Variants in XPO4 observed in about 807,000 individuals in gnomAD.
XPO4 encodes exportin-4.
A neutral mutation model predicts 143.0 loss-of-function variants in XPO4; 39 were observed. That is an observed-to-expected ratio of 0.27 (90% CI 0.21 to 0.36). The LOEUF is 0.36. Ranked by LOEUF, XPO4 falls within the 10% of genes least tolerant of loss-of-function variation. XPO4 has a pLI of 1.00. For missense variants in XPO4, 907 were observed against 1,348.0 expected (o/e 0.67, Z 5.12); for synonymous variants, 439 against 474.0 (o/e 0.93, Z 0.96).
At chr13:20,840,818 A>G (rs1259788487) in intron 6 of XPO4, among the ~76,000 whole-genome samples, 2 of 152,268 alleles carry the variant, frequency 1.3e-5, no homozygotes, top group African/African-American at 4.8e-5. Flanking sequence ...AAATGGCACT[A>G]TATGAAAAGG....
At chr13:20,788,361 GT>G (rs1366857543) in intron 20 of XPO4, 124 bp downstream of exon 20, 9 of 1,346,862 alleles carry the variant, frequency 6.7e-6, no homozygotes, top group Non-Finnish European at 9.0e-6. Context: ...CTGGCCCAGG[GT>G]TTTTTAAGAA....
At chr13:20,886,267 C>T (rs990245657) in intron 1 of XPO4, among the ~76,000 whole-genome samples, 15 of 148,166 alleles carry the variant, frequency 1.0e-4, no homozygotes, top group African/African-American at 3.5e-4. Context: ...ATAACAATAA[C>T]AAAAACTAGA....
chr13:20,865,005 G>A (rs2060232845), intron 2 of XPO4, among the ~76,000 whole-genome samples: 1 of 152,144 alleles, frequency 6.6e-6, no homozygotes, highest in African/African-American at 2.4e-5. Context: ...TGCAAGAGAT[G>A]CTAGAAGGTA....
chr13:20,883,606 T>G (rs34042324), intron 1 of XPO4, among the ~76,000 whole-genome samples: 2,559 of 152,226 alleles, frequency 0.017, 41 homozygotes, highest in Non-Finnish European at 0.028. Flanking sequence ...CTTTCAGGGA[T>G]TAGAGTATAA....
At position 20,850,118 on chromosome 13, in the gene XPO4, A is replaced by G. The variant is rs1302737060; in HGVS notation, c.456+5509T>C. ...AAGACTCTGTCTCAACAAAAACCAC[A>G]CACAAATGATTAGTTTCACTCATAG... is the stretch of plus-strand genomic sequence containing the variant. On this transcript the variant is annotated intron_variant, in intron 4 of 22. Coordinates refer to ENST00000255305, the MANE Select transcript of XPO4 (RefSeq NM_022459.5). 5 of 984,912 alleles carry G rather than the reference A, an allele frequency of 5.1e-6. No individual in the cohort carries two copies. The African/African-American group carries it at 8.7e-5, about 17-fold the overall frequency. The allele number at this position is 984,912 out of a possible 1,614,324, so 61.0% of individuals were successfully genotyped here.
Position 20,832,272 on chromosome 13 carries a change from CG to C in XPO4, c.728-5094del, listed in dbSNP as rs2059862265. 2.6e-5 allele frequency among the ~76,000 whole-genome samples: 4 copies of C among 152,234 alleles called. No individual in the cohort carries two copies. In the East Asian group the frequency reaches 7.7e-4, roughly 29 times the overall value. On this transcript the variant is annotated intron_variant, in intron 6 of 22. Coordinates refer to ENST00000255305, the MANE Select transcript of XPO4 (RefSeq NM_022459.5). ...CAACAAACAGCATTGTCATTAAATA[CG>C]TACATCTTAACATGTAGTGGGGAAA...
At chr13:20,869,423 C>T (rs1286666386) in intron 1 of XPO4, 1 of 704,604 alleles carries the variant, frequency 1.4e-6, no homozygotes, top group Non-Finnish European at 1.7e-6. Flanking sequence ...GTTTAGTTAA[C>T]TTTTAACCTA....
At chr13:20,801,587 A>C (rs182436692) in intron 13 of XPO4, among the ~76,000 whole-genome samples, 1 of 152,234 alleles carries the variant, frequency 6.6e-6, no homozygotes, top group African/African-American at 2.4e-5. Context: ...CCTACACTAC[A>C]TAATTCATAT....
intron 10 of XPO4, 71 bp from the exon 11 acceptor site, chr13:20,809,296 T>C: frequency 3.9e-6 from 6 of 1,542,434 alleles, no homozygotes; most frequent in Non-Finnish European, 5.2e-6. Flanking sequence ...TGTGGCTCCA[T>C]AACATAGCTT....
At chr13:20,812,684 T>A (rs1334466441) in intron 9 of XPO4, among the ~76,000 whole-genome samples, 1 of 152,176 alleles carries the variant, frequency 6.6e-6, no homozygotes, top group Non-Finnish European at 1.5e-5. Context: ...CAATAAAGCC[T>A]TTAGTTTAGT....
chr13:20,896,429 A>G (rs2060570125), intron 1 of XPO4, among the ~76,000 whole-genome samples: 1 of 152,202 alleles, frequency 6.6e-6, no homozygotes, highest in African/African-American at 2.4e-5. Flanking sequence ...AAGCTGTATC[A>G]TGTTCTTCAC....
chr13:20,884,623 G>A (rs1283322268), intron 1 of XPO4, among the ~76,000 whole-genome samples: 1 of 152,026 alleles, frequency 6.6e-6, no homozygotes, highest in African/African-American at 2.4e-5. Flanking sequence ...ATGTTACCCA[G>A]GCTGGTCTCA....
chr13:20,850,136 A>T (rs750643482), intron 4 of XPO4: 50 of 985,066 alleles, frequency 5.1e-5, no homozygotes, highest in Non-Finnish European at 5.9e-5. Flanking sequence ...GATTAGTTTC[A>T]CTCATAGCAT....
At chr13:20,855,026 A>C (rs1361526081) in intron 4 of XPO4, among the ~76,000 whole-genome samples, 1 of 152,244 alleles carries the variant, frequency 6.6e-6, no homozygotes, top group African/African-American at 2.4e-5. Flanking sequence ...GAAACGGCTA[A>C]CAATATTATG....
chr13:20,862,318 A>T (rs2060209275), intron 3 of XPO4, among the ~76,000 whole-genome samples: 1 of 152,194 alleles, frequency 6.6e-6, no homozygotes, highest in South Asian at 2.1e-4. Context: ...ACAACAAAAA[A>T]CTAATATCCA....
chr13:20,836,952 C>T (rs762594391), intron 6 of XPO4, among the ~76,000 whole-genome samples: 1 of 152,172 alleles, frequency 6.6e-6, no homozygotes, highest in Non-Finnish European at 1.5e-5. Flanking sequence ...GCTTTTTTCA[C>T]TCAGTATGTT....
intron 22 of XPO4, among the ~76,000 whole-genome samples, chr13:20,786,720 A>T (rs1040481173): frequency 6.6e-6 from 1 of 152,170 alleles, no homozygotes; most frequent in African/African-American, 2.4e-5. Flanking sequence ...GACCATTGCA[A>T]AGGATGGTTC....
At chr13:20,801,816 T>C (rs1484844571) in intron 13 of XPO4, among the ~76,000 whole-genome samples, 1 of 152,192 alleles carries the variant, frequency 6.6e-6, no homozygotes, top group Non-Finnish European at 1.5e-5. Context: ...CCTTTACTAG[T>C]GCTCTCAGGA....
At chr13:20,868,542 A>G in intron 2 of XPO4, 54 bp downstream of exon 2, 2 of 1,575,510 alleles carry the variant, frequency 1.3e-6, no homozygotes, top group Non-Finnish European at 1.7e-6. Flanking sequence ...TTAAGACAGC[A>G]AACCCAGATC....
Sources: allele counts gnomAD v4.1 joint callset (sites outside exome capture counted in the v4.1 genomes callset), GRCh38; gene constraint gnomAD v4.1.1; transcripts MANE v1.5; gene names NCBI Gene and HGNC (gene_info 2026-07-23, HGNC 2026-07-21).